Variants in ITFG1 observed in about 807,000 individuals in gnomAD.
ITFG1 encodes integrin alpha FG-GAP repeat containing 1.
Under a neutral mutation model 81.8 loss-of-function variants are expected in ITFG1, and 34 were observed. The ratio of observed to expected loss-of-function variants is 0.42; its 90% confidence interval spans 0.32 to 0.55. ITFG1 has a LOEUF of 0.55. ITFG1 is among the 20% of genes least tolerant of loss of function. ITFG1 has a pLI of 0.17. For synonymous variants in ITFG1, 285 were observed against 270.6 expected (o/e 1.05, Z -0.52); for missense variants, 672 against 755.4 (o/e 0.89, Z 1.29).
At chr16:47,461,214 A>G (rs996486874), upstream of ITFG1, 55 of 962,650 alleles carry the variant, frequency 5.7e-5, no homozygotes, top group Non-Finnish European at 7.5e-5. Flanking sequence ...CTAAAAAAGC[A>G]GTGGAGCTAG....
intron 5 of ITFG1, among the ~76,000 whole-genome samples, chr16:47,439,089 T>C (rs1338858314): frequency 1.3e-5 from 2 of 152,186 alleles, no homozygotes; most frequent in Middle Eastern, 3.2e-3. Flanking sequence ...GTATGAGCGA[T>C]GGAAGACGAA....
At chr16:47,324,114 T>C (rs1488705681) in intron 8 of ITFG1, among the ~76,000 whole-genome samples, 1 of 152,144 alleles carries the variant, frequency 6.6e-6, no homozygotes, top group Admixed American at 6.6e-5. Flanking sequence ...TTTCTATCAA[T>C]ACTACTTTAA....
intron 8 of ITFG1, among the ~76,000 whole-genome samples, chr16:47,321,178 T>A (rs1012463574): frequency 6.6e-6 from 1 of 152,164 alleles, no homozygotes; most frequent in African/African-American, 2.4e-5. Flanking sequence ...ACAAATCACA[T>A]GACTAATTAA....
intron 6 of ITFG1, among the ~76,000 whole-genome samples, chr16:47,421,853 G>C (rs1567494514): frequency 6.6e-6 from 1 of 152,058 alleles, no homozygotes; most frequent in Non-Finnish European, 1.5e-5. Flanking sequence ...AACAGGGTCT[G>C]GTGTGTGATG....
At chr16:47,264,620 A>T (rs1966255000) in intron 10 of ITFG1, among the ~76,000 whole-genome samples, 2 of 151,186 alleles carry the variant, frequency 1.3e-5, no homozygotes, top group Admixed American at 1.3e-4. Flanking sequence ...TTTCTTTGGG[A>T]ACTTGTACGA....
chr16:47,228,885 G>C (rs1045255866), intron 13 of ITFG1, among the ~76,000 whole-genome samples: 1 of 152,210 alleles, frequency 6.6e-6, no homozygotes, highest in East Asian at 1.9e-4. Flanking sequence ...CTTTGCATCA[G>C]AGCTTTTCCA....
In ITFG1 at chr16:47,279,365, T is replaced by C. The variant is rs968435627; in HGVS notation, c.1071-18670A>G. On this transcript the variant is annotated intron_variant, in intron 10 of 17. Transcript: ENST00000320640. ...TTTCCCTGCTAGGGATGCCCAGTTTTTCCAATACCATCTGTTATAAAGACT... is the reference window on the plus strand; with the variant it reads ...TTTCCCTGCTAGGGATGCCCAGTTTCTCCAATACCATCTGTTATAAAGACT... 3.9e-5 allele frequency among the ~76,000 whole-genome samples: 6 copies of C among 152,180 alleles called. No homozygotes were observed. The South Asian group carries it at 1.2e-3, about 32-fold the overall frequency.
chr16:47,408,680 T>C (rs927109656), intron 6 of ITFG1, among the ~76,000 whole-genome samples: 3 of 152,238 alleles, frequency 2.0e-5, no homozygotes, highest in African/African-American at 7.2e-5. Flanking sequence ...CTAATTTATG[T>C]GACTTGTCAC....
At chr16:47,364,203 A>G (rs186661294) in intron 8 of ITFG1, among the ~76,000 whole-genome samples, 34 of 152,360 alleles carry the variant, frequency 2.2e-4, no homozygotes, top group African/African-American at 7.5e-4. Flanking sequence ...AAAGTGTACT[A>G]TTAAAAAAGT....
intron 6 of ITFG1, among the ~76,000 whole-genome samples, chr16:47,397,229 G>C (rs561686422): frequency 6.6e-6 from 1 of 152,264 alleles, no homozygotes; most frequent in Admixed American, 6.5e-5. Flanking sequence ...AAGGAACTCT[G>C]TGAAAAGAAG....
At chr16:47,195,432 C>T (rs562119186) in intron 14 of ITFG1, among the ~76,000 whole-genome samples, 5 of 152,184 alleles carry the variant, frequency 3.3e-5, no homozygotes, top group Non-Finnish European at 5.9e-5. Flanking sequence ...TCCTGTCTCT[C>T]ATGTCATTTA....
At chr16:47,190,181 T>C (rs1187046617) in intron 14 of ITFG1, among the ~76,000 whole-genome samples, 1 of 152,068 alleles carries the variant, frequency 6.6e-6, no homozygotes, top group Non-Finnish European at 1.5e-5. Context: ...ACAATGGTCA[T>C]TTCACTTATA....
intron 8 of ITFG1, among the ~76,000 whole-genome samples, chr16:47,343,549 T>C (rs1377347098): frequency 2.6e-5 from 4 of 151,952 alleles, no homozygotes; most frequent in Non-Finnish European, 4.4e-5. Flanking sequence ...GTAAAGAACT[T>C]GAATTAACAA....
chr16:47,238,252 T>C (rs1055508009), intron 12 of ITFG1: 1 of 311,848 alleles, frequency 3.2e-6, no homozygotes, highest in Non-Finnish European at 5.9e-6. Flanking sequence ...AGATAAATTA[T>C]GATTATATCA....
At chr16:47,171,750 A>G (rs1361211474) in intron 14 of ITFG1, among the ~76,000 whole-genome samples, 1 of 151,948 alleles carries the variant, frequency 6.6e-6, no homozygotes, top group Non-Finnish European at 1.5e-5. Context: ...TTATCTCAAG[A>G]TATTGTTTAG....
intron 10 of ITFG1, among the ~76,000 whole-genome samples, chr16:47,308,883 AATAACAATAAAACTCTTCTT>A (rs1967212139): frequency 1.3e-5 from 2 of 152,116 alleles, no homozygotes; most frequent in Admixed American, 6.5e-5. Flanking sequence ...GCAATGTATT[AATAACAATAAAACTCTTCTT>A]AAATATGTCA....
chr16:47,227,301 T>A (rs555124059), intron 13 of ITFG1, among the ~76,000 whole-genome samples: 1 of 152,234 alleles, frequency 6.6e-6, no homozygotes, highest in East Asian at 1.9e-4. Context: ...GTACAAGGAG[T>A]ATTGCTGTAT....
At chr16:47,399,555 A>G (rs1431921273) in intron 6 of ITFG1, among the ~76,000 whole-genome samples, 1 of 151,696 alleles carries the variant, frequency 6.6e-6, no homozygotes, top group Non-Finnish European at 1.5e-5. Context: ...CCTGGGCAAG[A>G]GAGCGAGACT....
intron 8 of ITFG1, among the ~76,000 whole-genome samples, chr16:47,320,631 T>C (rs1967434737): frequency 6.6e-6 from 1 of 152,230 alleles, no homozygotes; most frequent in Non-Finnish European, 1.5e-5. Flanking sequence ...ATAACTTAGC[T>C]ACCATATGTG....
Sources: gnomAD v4.1 joint callset for allele counts (sites outside exome capture counted in the v4.1 genomes callset) on GRCh38, gnomAD v4.1.1 for gene constraint, MANE v1.5 for transcripts, NCBI Gene and HGNC (gene_info 2026-07-23, HGNC 2026-07-21) for gene names.